The following XKR8 variants were observed in gnomAD, a reference collection of about 807,000 sequenced individuals.
XKR8 encodes the protein XK related 8.
XKR8 carries 10 observed loss-of-function variants against 17.1 expected under a neutral mutation model. The observed-to-expected ratio is 0.59, with a 90% CI of 0.36 to 0.99. XKR8 has a LOEUF of 0.99. Among genes scored for constraint, XKR8 ranks in the 50% least tolerant of loss-of-function variants. XKR8 has a pLI of 0.01. For missense variants in XKR8, 411 were observed against 515.6 expected (o/e 0.80, Z 1.96); for synonymous variants, 213 against 251.9 (o/e 0.85, Z 1.46).
At position 27,966,427 on chromosome 1, in the gene XKR8, C is replaced by T; in HGVS notation, c.491-76C>T. 13 of 1,458,708 alleles carry T rather than the reference C, an allele frequency of 8.9e-6. No homozygotes were observed. The highest frequency in any genetic ancestry group is 1.2e-5 in the Non-Finnish European group (13 of 1,070,968). The allele number at this position is 1,458,708 out of a possible 1,614,324, so 90.4% of individuals were successfully genotyped here. On this transcript the variant is annotated intron_variant, in intron 2 of 2. Transcript: ENST00000373884. This position sits in a 1 kb window ranked among gnomAD's most constrained non-coding sequence, Gnocchi z 4.3. ...TACCCCAGGGTTGCTGGGAGGGCCCCCACGGTACCTGTGACCGCTGGGGAG... is the reference window on the plus strand; with the variant it reads ...TACCCCAGGGTTGCTGGGAGGGCCCTCACGGTACCTGTGACCGCTGGGGAG...
rs1291445571 is a variant in XKR8 at position 27,966,163 on chromosome 1, G to A, written c.491-340G>A. On this transcript the variant is annotated intron_variant, in intron 2 of 2. Transcript: ENST00000373884. This position sits in a 1 kb window ranked among gnomAD's most constrained non-coding sequence, Gnocchi z 4.3. ...GTTCTTCCCAGAAAGAAAGGGTTAT[G>A]GGGCCCTGGAAGATGCCCAGGATGC... Among the ~76,000 whole-genome samples, 2 of 152,284 alleles carry A rather than the reference G, an allele frequency of 1.3e-5. No homozygotes were observed. The highest frequency in any genetic ancestry group is 2.4e-5 in the African/African-American group (1 of 41,560).
Position 27,960,294 on chromosome 1 carries a change from G to T in XKR8, c.225G>T (p.Leu75=). The T allele has an allele frequency of 6.8e-7, 1 of 1,479,096 alleles. No individual in the cohort carries two copies. Among genetic ancestry groups the T allele is most frequent in the South Asian group, 1.3e-5 (1 of 76,558 alleles). The allele number at this position is 1,479,096 out of a possible 1,614,324, so 91.6% of individuals were successfully genotyped here. A position where few individuals can be genotyped will look rare whatever the true frequency, so the allele number is the denominator to read the frequency against. ...WLWLRADPAG[L]HGSQPPRRCL... ...GGCTGCGCGCTGACCCTGCCGGCCT[G>T]CACGGGTCGCAGCCCCCGCGCCGCT... is the stretch of plus-strand genomic sequence containing the variant. The change falls in exon 1 of 3, where the codon CTG becomes CTT. Residue 75 remains leucine, a synonymous_variant. Coordinates refer to ENST00000373884, the MANE Select transcript of XKR8 (RefSeq NM_018053.4). The surrounding 1 kb of genome is among the most constrained non-coding windows in gnomAD (Gnocchi z 5.9).
chr1:27,967,009 C>T lies in XKR8; in HGVS notation c.997C>T (p.Leu333=). The change falls in exon 3 of 3, where the codon CTG becomes TTG. Residue 333 remains leucine, a synonymous_variant. Transcript: ENST00000373884. The surrounding 1 kb of genome is among the most constrained non-coding windows in gnomAD (Gnocchi z 4.3). ...CGGCTGCTTCTTTCTGGGCCTGGCT[C>T]TGCGGCTTGTGTACTACCACTGGCT... The part of the protein sequence containing the change: ...GCGCFFLGLA[L]RLVYYHWLHP... 6.2e-7 allele frequency: 1 copy of T among 1,614,156 alleles called. No homozygotes were observed. The highest frequency in any genetic ancestry group is 8.5e-7 in the Non-Finnish European group (1 of 1,180,016).
Position 27,960,382 on chromosome 1 carries a change from A to C in XKR8, c.293+20A>C. The C allele has an allele frequency of 7.4e-7, 1 of 1,357,940 alleles. No individual in the cohort carries two copies. Among genetic ancestry groups the C allele is most frequent in the Non-Finnish European group, 9.4e-7 (1 of 1,059,836 alleles). 84.1% of individuals were successfully genotyped at this position (1,357,940 alleles called of 1,614,324 possible). On this transcript the variant is annotated intron_variant, in intron 1 of 2. Coordinates refer to ENST00000373884, the MANE Select transcript of XKR8 (RefSeq NM_018053.4). This position sits in a 1 kb window ranked among gnomAD's most constrained non-coding sequence, Gnocchi z 5.9. ...GTACAGGTGAGTGCTTCGCCCCGGG[A>C]GGGGAGGAGTGTCGGAGCCCAGCAC...
At position 27,966,426 on chromosome 1, in the gene XKR8, C is replaced by T. The variant is rs1638568606; in HGVS notation, c.491-77C>T. On this transcript the variant is annotated intron_variant, in intron 2 of 2. Transcript: ENST00000373884. The surrounding 1 kb of genome is among the most constrained non-coding windows in gnomAD (Gnocchi z 4.3). ...CTACCCCAGGGTTGCTGGGAGGGCCCCCACGGTACCTGTGACCGCTGGGGA... is the reference window on the plus strand; with the variant it reads ...CTACCCCAGGGTTGCTGGGAGGGCCTCCACGGTACCTGTGACCGCTGGGGA... 6 of 1,446,844 alleles carry T rather than the reference C, an allele frequency of 4.1e-6. No homozygotes were observed. The highest frequency in any genetic ancestry group is 1.3e-5 in the South Asian group (1 of 75,910). 89.6% of individuals were successfully genotyped at this position (1,446,844 alleles called of 1,614,324 possible).
rs144516416 is a variant in XKR8 at position 27,967,504 on chromosome 1, A to G, written c.*304A>G. ...TACCTTTTCCCCCTGCCATTGGTAT[A>G]GCTGGTGCCCCAAAACTTCCACCTC... On this transcript the variant is annotated 3_prime_UTR_variant, in exon 3 of 3. Coordinates refer to ENST00000373884, the MANE Select transcript of XKR8 (RefSeq NM_018053.4). The surrounding 1 kb of genome is among the most constrained non-coding windows in gnomAD (Gnocchi z 4.3). The G allele has an allele frequency of 0.017, 3,638 of 218,440 alleles. 56 individuals are homozygous for G. The highest frequency in any genetic ancestry group is 0.026 in the Non-Finnish European group (2,848 of 109,856). 13.5% of individuals were successfully genotyped at this position (218,440 alleles called of 1,614,324 possible). A position where few individuals can be genotyped will look rare whatever the true frequency, so the allele number is the denominator to read the frequency against.
chr1:27,961,698 C>T (rs1418089233), intron 1 of XKR8, among the ~76,000 whole-genome samples: 1 of 152,218 alleles, frequency 6.6e-6, no homozygotes, highest in Non-Finnish European at 1.5e-5. Flanking sequence ...TGCTAGGTCA[C>T]TGGGGACCAT....
At position 27,960,060 on chromosome 1, in the gene XKR8, C is replaced by A. The variant is rs1158279326; in HGVS notation, c.-10C>A. The A allele has an allele frequency of 2.8e-6, 4 of 1,421,760 alleles. No individual in the cohort carries two copies. The highest frequency in any genetic ancestry group is 9.1e-7 in the Non-Finnish European group (1 of 1,093,318). The allele number at this position is 1,421,760 out of a possible 1,614,324, so 88.1% of individuals were successfully genotyped here. ...GCGGAGGAGCAGGAGAGGGCGGAGG[C>A]CGGCGGGCCATGCCCTGGTCGTCCC... is the stretch of plus-strand genomic sequence containing the variant. On this transcript the variant is annotated 5_prime_UTR_variant, in exon 1 of 3. Transcript: ENST00000373884. This position sits in a 1 kb window ranked among gnomAD's most constrained non-coding sequence, Gnocchi z 5.9.
In XKR8 at chr1:27,966,610, T is replaced by C. The variant is rs368581095; in HGVS notation, c.598T>C (p.Ser200Pro). The C allele has an allele frequency of 6.2e-7, 1 of 1,613,982 alleles. No individual in the cohort carries two copies. The highest frequency in any genetic ancestry group is 8.5e-7 in the Non-Finnish European group (1 of 1,180,008). ...CAAGCCGCTCCTGGGCCTGGGCTCC[T>C]CCGTGATCTACTTCCTGTGGAACCT... ...PSKPLLGLGS[S>P]VIYFLWNLLL... Residue 200 changes from serine (S) to proline (P), a missense_variant, in exon 3 of 3, where the codon TCC (serine) becomes CCC (proline). Transcript: ENST00000373884. This position sits in a 1 kb window ranked among gnomAD's most constrained non-coding sequence, Gnocchi z 4.3.
Position 27,960,130 on chromosome 1 carries a change from G to T in XKR8, c.61G>T (p.Ala21Ser). The change falls in exon 1 of 3, where the codon GCC (alanine) becomes TCC (serine). Residue 21 changes from alanine (A) to serine (S), a missense_variant. Transcript: ENST00000373884. The surrounding 1 kb of genome is among the most constrained non-coding windows in gnomAD (Gnocchi z 5.9). ...RDLVLGVLGTAAFLLDLGTDL... is the reference protein window; with the variant it reads ...RDLVLGVLGTSAFLLDLGTDL... ...CCTGGTCCTGGGCGTGCTGGGCACC[G>T]CCGCCTTCCTGCTCGACCTGGGCAC... The T allele has an allele frequency of 6.6e-7, 1 of 1,518,588 alleles. No individual in the cohort carries two copies. Among genetic ancestry groups the T allele is most frequent in the Non-Finnish European group, 8.8e-7 (1 of 1,140,306 alleles). 94.1% of individuals were successfully genotyped at this position (1,518,588 alleles called of 1,614,324 possible).
Position 27,967,044 on chromosome 1 carries a change from C to G in XKR8, c.1032C>G (p.Ser344Arg). Reference protein sequence around the residue: ...RLVYYHWLHPSCCWKPDPDQV... With the variant: ...RLVYYHWLHPRCCWKPDPDQV... ...TGTACTACCACTGGCTGCACCCTAGCTGCTGCTGGAAGCCCGACCCTGACC... is the reference window on the plus strand; with the variant it reads ...TGTACTACCACTGGCTGCACCCTAGGTGCTGCTGGAAGCCCGACCCTGACC... The change falls in exon 3 of 3, where the codon AGC becomes AGG. Residue 344 changes from serine (S) to arginine (R), a missense_variant. Ser to Arg is a moderately radical substitution (Grantham distance 110). Transcript: ENST00000373884. This position sits in a 1 kb window ranked among gnomAD's most constrained non-coding sequence, Gnocchi z 4.3. 1 of 1,614,100 alleles carries G rather than the reference C, an allele frequency of 6.2e-7. No individual in the cohort carries two copies. The highest frequency in any genetic ancestry group is 8.5e-7 in the Non-Finnish European group (1 of 1,179,972).
At position 27,960,035 on chromosome 1, in the gene XKR8, G is replaced by A. The variant is rs1286017327; in HGVS notation, c.-35G>A. 5.8e-6 allele frequency: 8 copies of A among 1,379,960 alleles called. No homozygotes were observed. Among genetic ancestry groups the A allele is most frequent in the South Asian group, 1.6e-5 (1 of 61,650 alleles). 85.5% of individuals were successfully genotyped at this position (1,379,960 alleles called of 1,614,324 possible). A position where few individuals can be genotyped will look rare whatever the true frequency, so the allele number is the denominator to read the frequency against. On this transcript the variant is annotated 5_prime_UTR_variant, in exon 1 of 3. Coordinates refer to ENST00000373884, the MANE Select transcript of XKR8 (RefSeq NM_018053.4). The surrounding 1 kb of genome is among the most constrained non-coding windows in gnomAD (Gnocchi z 5.9). ...CGGGCCCTGAGGGCAGGCCCCAACC[G>A]CGGAGGAGCAGGAGAGGGCGGAGGC...
Position 27,966,975 on chromosome 1 carries a change from T to G in XKR8, c.963T>G (p.Pro321=), listed in dbSNP as rs1448962405. 3.1e-6 allele frequency: 5 copies of G among 1,614,064 alleles called. No homozygotes were observed. The highest frequency in any genetic ancestry group is 1.7e-5 in the Admixed American group (1 of 60,002). The change falls in exon 3 of 3, where the codon CCT becomes CCG. Residue 321 remains proline (P), a synonymous_variant. Coordinates refer to ENST00000373884, the MANE Select transcript of XKR8 (RefSeq NM_018053.4). This position sits in a 1 kb window ranked among gnomAD's most constrained non-coding sequence, Gnocchi z 4.3. ...PSGIPLQLWL[P]VGCGCFFLGL... is the part of the protein sequence containing the mutation. ...GGATTCCACTGCAGCTGTGGCTGCCTGTGGGATGCGGCTGCTTCTTTCTGG... is the reference window on the plus strand; with the variant it reads ...GGATTCCACTGCAGCTGTGGCTGCCGGTGGGATGCGGCTGCTTCTTTCTGG...
rs1374627596 is a variant in XKR8, at chr1:27,960,034, C to T, written c.-36C>T. On this transcript the variant is annotated 5_prime_UTR_variant, in exon 1 of 3. Transcript: ENST00000373884. The surrounding 1 kb of genome is among the most constrained non-coding windows in gnomAD (Gnocchi z 5.9). ...CCGGGCCCTGAGGGCAGGCCCCAAC[C>T]GCGGAGGAGCAGGAGAGGGCGGAGG... The T allele has an allele frequency of 1.4e-6, 2 of 1,380,260 alleles. No individual in the cohort carries two copies. Among genetic ancestry groups the T allele is most frequent in the Admixed American group, 3.5e-5 (1 of 28,826 alleles). 85.5% of individuals were successfully genotyped at this position (1,380,260 alleles called of 1,614,324 possible).
rs769077363 is a variant in XKR8, at chr1:27,966,559, CG to C, written c.550del (p.Ala184ProfsTer18). ...GISWALLDYHRALRTCLPSKP... is the reference protein window; with the variant it reads ...GISWALLDYHXALRTCLPSKP... Reference sequence around the variant, plus strand: ...CTCGTGGGCACTGCTCGACTACCACCGGGCCTTGCGCACCTGCCTCCCCTCC... The same window carrying C: ...CTCGTGGGCACTGCTCGACTACCACCGGCCTTGCGCACCTGCCTCCCCTCC... On this transcript the variant is annotated frameshift_variant, in exon 3 of 3. Transcript: ENST00000373884. LOFTEE classifies it low-confidence loss of function (END_TRUNC). This position sits in a 1 kb window ranked among gnomAD's most constrained non-coding sequence, Gnocchi z 4.3. The C allele has an allele frequency of 1.9e-6, 3 of 1,614,060 alleles. No individual in the cohort carries two copies. The highest frequency in any genetic ancestry group is 2.5e-6 in the Non-Finnish European group (3 of 1,179,972).
chr1:27,961,420 C>T (rs534115096), intron 1 of XKR8, among the ~76,000 whole-genome samples: 47 of 152,348 alleles, frequency 3.1e-4, no homozygotes, highest in African/African-American at 1.0e-3. Flanking sequence ...GACAAAGCCA[C>T]ACGGAGTCTC....
At position 27,967,040 on chromosome 1, in the gene XKR8, C is replaced by G. The variant is rs1571677131; in HGVS notation, c.1028C>G (p.Pro343Arg). 6.2e-7 allele frequency: 1 copy of G among 1,614,076 alleles called. No homozygotes were observed. The highest frequency in any genetic ancestry group is 2.2e-5 in the East Asian group (1 of 44,880). ...LRLVYYHWLH[P>R]SCCWKPDPDQ... ...CTTGTGTACTACCACTGGCTGCACC[C>G]TAGCTGCTGCTGGAAGCCCGACCCT... The change falls in exon 3 of 3, where the codon CCT becomes CGT. Residue 343 changes from proline (P) to arginine (R), a missense_variant. Transcript: ENST00000373884. This position sits in a 1 kb window ranked among gnomAD's most constrained non-coding sequence, Gnocchi z 4.3.
chr1:27,962,048 CCT>C (rs1199257113), intron 1 of XKR8, among the ~76,000 whole-genome samples: 2 of 152,174 alleles, frequency 1.3e-5, no homozygotes, highest in Non-Finnish European at 2.9e-5. Flanking sequence ...CAGCCCCTCC[CCT>C]GTGTGGCCGG....
At position 27,966,951 on chromosome 1, in the gene XKR8, G is replaced by C; in HGVS notation, c.939G>C (p.Gly313=). The C allele has an allele frequency of 6.2e-7, 1 of 1,614,160 alleles. No homozygotes were observed. The highest frequency in any genetic ancestry group is 8.5e-7 in the Non-Finnish European group (1 of 1,179,980). ...WVTHSSWLPS[G]IPLQLWLPVG... ...CTCATAGCTCCTGGCTGCCCAGCGG[G>C]ATTCCACTGCAGCTGTGGCTGCCTG... The change falls in exon 3 of 3, where the codon GGG becomes GGC. Residue 313 remains glycine (G), a synonymous_variant. Transcript: ENST00000373884. This position sits in a 1 kb window ranked among gnomAD's most constrained non-coding sequence, Gnocchi z 4.3.
Sources: gnomAD v4.1 joint callset for allele counts (sites outside exome capture counted in the v4.1 genomes callset) on GRCh38, gnomAD v4.1.1 for gene constraint, Gnocchi (gnomAD v3.1) non-coding constraint, MANE v1.5 for transcripts, NCBI Gene and HGNC (gene_info 2026-07-23, HGNC 2026-07-21) for gene names.